The following BROX variants were observed in gnomAD, a reference collection of about 807,000 sequenced individuals.
BROX encodes the protein BRO1 domain-containing protein BROX.
Under a neutral mutation model 61.0 loss-of-function variants are expected in BROX, and 53 were observed. The observed-to-expected ratio is 0.87, with a 90% CI of 0.70 to 1.09. The LOEUF is 1.09. Among genes scored for constraint, BROX ranks in the 50% least tolerant of loss-of-function variants. The pLI is 0.00. For synonymous variants in BROX, 152 were observed against 160.2 expected (o/e 0.95, Z 0.38); for missense variants, 489 against 472.0 (o/e 1.04, Z -0.33).
In BROX at chr1:222,722,635, T is replaced by C. The variant is rs577992439; in HGVS notation, c.401+121T>C. 7.0e-4 allele frequency: 494 copies of C among 704,590 alleles called. 1 individual carries two copies. The African/African-American group carries it at 7.5e-3, about 11-fold the overall frequency. The allele number at this position is 704,590 out of a possible 1,614,324, so 43.6% of individuals were successfully genotyped here. On this transcript the variant is annotated intron_variant, in intron 5 of 12. Coordinates refer to ENST00000340934, the MANE Select transcript of BROX (RefSeq NM_144695.4). ...GGATGTTTGAAGGATTGCCTTGTAA[T>C]GTTAGTATTTTGAGTGTCAGAATTA...
chr1:222,726,067 G>T (rs1207626011), intron 7 of BROX, among the ~76,000 whole-genome samples: 2 of 152,140 alleles, frequency 1.3e-5, no homozygotes, highest in Non-Finnish European at 2.9e-5. Flanking sequence ...TTTTTAAGAG[G>T]ATTTTTATTT....
In BROX at chr1:222,727,250, A is replaced by G. The variant is rs767165764; in HGVS notation, c.663A>G (p.Gln221=). The change falls in exon 8 of 13, where the codon CAA becomes CAG. Residue 221 remains glutamine (Q), a synonymous_variant. Transcript: ENST00000340934. The part of the protein sequence containing the change: ...ALAYETANFY[Q]KADHTLSSLE... ...CGTATGAAACAGCCAATTTCTATCA[A>G]AAAGCTGGTAAGCTTCTAATTCTGT... is the stretch of plus-strand genomic sequence containing the variant. 6.2e-7 allele frequency: 1 copy of G among 1,606,960 alleles called. No homozygotes were observed. Among genetic ancestry groups the G allele is most frequent in the South Asian group, 1.1e-5 (1 of 90,748 alleles).
rs17163847 is a variant in BROX, at chr1:222,725,482, G to A, written c.507G>A (p.Ala169=). ...ATCTCCCAAAACTCATTACACCTGC[G>A]GAAAAAGGAAGAGATTTAGAGTCAC... ...ESHLPKLITP[A]EKGRDLESRL... is the part of the protein sequence containing the mutation. The change falls in exon 7 of 13, where the codon GCG becomes GCA. Residue 169 remains alanine (A), a synonymous_variant. Coordinates refer to ENST00000340934, the MANE Select transcript of BROX (RefSeq NM_144695.4). The A allele has an allele frequency of 2.8e-3, 4,497 of 1,611,902 alleles. 134 individuals carry two copies. The East Asian group carries it at 0.078, about 28-fold the overall frequency.
At chr1:222,727,459 T>TG (rs1247761318) in intron 8 of BROX, among the ~76,000 whole-genome samples, 2 of 152,252 alleles carry the variant, frequency 1.3e-5, no homozygotes, top group African/African-American at 4.8e-5. Flanking sequence ...AAACCAGTGA[T>TG]GTCTCATAAA....
intron 4 of BROX, among the ~76,000 whole-genome samples, chr1:222,720,401 A>G (rs866690440): frequency 3.4e-4 from 52 of 152,192 alleles, no homozygotes; most frequent in African/African-American, 1.1e-3. Flanking sequence ...CAATTTTTTT[A>G]ATTAAAAAGA....
chr1:222,713,499 T>C, intron 1 of BROX: 2 of 934,424 alleles, frequency 2.1e-6, no homozygotes, highest in Non-Finnish European at 2.6e-6. Context: ...GTGTGTTAGC[T>C]TACAGCTTCG....
rs935291471 is a variant in BROX, at chr1:222,734,498, T to C, written c.*1784T>C. The C allele has an allele frequency of 6.6e-6, 1 of 152,240 alleles. No homozygotes were observed. Among genetic ancestry groups the C allele is most frequent in the African/African-American group, 2.4e-5 (1 of 41,468 alleles). The allele number at this position is 152,240 out of a possible 1,614,324, so 9.4% of individuals were successfully genotyped here. The stretch of plus-strand genomic sequence containing the variant: ...GTACATAAATTCAGTGAGGTTTTTT[T>C]CTTAACATACAGAAGTACTAAATAC... On this transcript the variant is annotated 3_prime_UTR_variant, in exon 13 of 13. Transcript: ENST00000340934.
At chr1:222,713,175 A>G in intron 1 of BROX, 2 of 980,972 alleles carry the variant, frequency 2.0e-6, no homozygotes, top group Middle Eastern at 5.2e-4. Flanking sequence ...CCGCATCTCC[A>G]TTGGTCATTG....
In BROX at chr1:222,719,018, C is replaced by T; in HGVS notation, c.195C>T (p.Phe65=). Reference sequence around the variant, plus strand: ...TGAAGAATGCAGCAGATTCATATTTCTCACTTTTACAAGGTTAGTTATTTA... The same window carrying T: ...TGAAGAATGCAGCAGATTCATATTTTTCACTTTTACAAGGTTAGTTATTTA... ...EMMKNAADSY[F]SLLQGFINSL... Residue 65 remains phenylalanine, a synonymous_variant, in exon 3 of 13, where the codon TTC becomes TTT. Transcript: ENST00000340934. 1.9e-6 allele frequency: 3 copies of T among 1,612,362 alleles called. No homozygotes were observed. Among genetic ancestry groups the T allele is most frequent in the Non-Finnish European group, 2.5e-6 (3 of 1,179,108 alleles).
chr1:222,716,881 A>G lies in BROX; in HGVS notation c.101+1081A>G, dbSNP rs188743988. Among the ~76,000 whole-genome samples, 123 of 152,332 alleles carry G rather than the reference A, an allele frequency of 8.1e-4. 4 individuals carry two copies. The highest frequency in any genetic ancestry group is 7.9e-3 in the Admixed American group (121 of 15,300). ...GGCTGAAACAAAAGAGATAAATGCA[A>G]AAGATGTTTTGAAGGAGGAGTCAAT... is the stretch of plus-strand genomic sequence containing the variant. On this transcript the variant is annotated intron_variant, in intron 2 of 12. Transcript: ENST00000340934.
chr1:222,731,981 A>C lies in BROX; in HGVS notation c.1149+465A>C, dbSNP rs181851630. The stretch of plus-strand genomic sequence containing the variant: ...TAAATCAAATAGTAAATTAAGTGGA[A>C]ATTTTGAGGTCTAACTACCAAAAGA... On this transcript the variant is annotated intron_variant, in intron 12 of 12. Transcript: ENST00000340934. Among the ~76,000 whole-genome samples, 639 of 152,268 alleles carry C rather than the reference A, an allele frequency of 4.2e-3. 2 individuals are homozygous for C. The highest frequency in any genetic ancestry group is 0.015 in the African/African-American group (610 of 41,548).
At chr1:222,732,125 CT>C (rs1246631318) in intron 12 of BROX, among the ~76,000 whole-genome samples, 1 of 152,034 alleles carries the variant, frequency 6.6e-6, no homozygotes, top group Non-Finnish European at 1.5e-5. Flanking sequence ...AAATAACTAT[CT>C]TTATATTCTG....
At chr1:222,727,711 A>G (rs1657611492) in intron 8 of BROX, among the ~76,000 whole-genome samples, 1 of 152,158 alleles carries the variant, frequency 6.6e-6, no homozygotes, top group African/African-American at 2.4e-5. Flanking sequence ...GTTGCTAAGG[A>G]GAGGTAAATA....
In BROX at chr1:222,732,727, A is replaced by G. The variant is rs770846086; in HGVS notation, c.*13A>G. ...CTACATCTCCTAAAATACAACTTGC[A>G]CTTAGAATTTCTCTAGCAGTAAATA... is the stretch of plus-strand genomic sequence containing the variant. On this transcript the variant is annotated 3_prime_UTR_variant, in exon 13 of 13. Transcript: ENST00000340934. The G allele has an allele frequency of 5.0e-6, 8 of 1,586,692 alleles. No individual in the cohort carries two copies. The African/African-American group carries it at 5.4e-5, about 11-fold the overall frequency.
In BROX at chr1:222,731,501, A is replaced by G. The variant is rs761864744; in HGVS notation, c.1134A>G (p.Arg378=). 1 of 1,587,404 alleles carries G rather than the reference A, an allele frequency of 6.3e-7. No individual in the cohort carries two copies. Among genetic ancestry groups the G allele is most frequent in the Non-Finnish European group, 8.5e-7 (1 of 1,173,198 alleles). The change falls in exon 12 of 13, where the codon AGA becomes AGG. Residue 378 remains arginine, a synonymous_variant. Coordinates refer to ENST00000340934, the MANE Select transcript of BROX (RefSeq NM_144695.4). ...TGGCTGCATTTGATCTCACCAAAAG[A>G]CCCAAGGATGACAGTGTATGAGATT... The part of the protein sequence containing the change: ...ETLAAFDLTK[R]PKDDSTKPKP...
chr1:222,719,032 G>T lies in BROX; in HGVS notation c.208+1G>T, dbSNP rs777935159. ...GATTCATATTTCTCACTTTTACAAG[G>T]TTAGTTATTTATATGAACTTGAGGT... is the stretch of plus-strand genomic sequence containing the variant. On this transcript the variant is annotated splice_donor_variant, in intron 3 of 12. Transcript: ENST00000340934. LOFTEE classifies it high-confidence loss of function. 2 of 1,605,222 alleles carry T rather than the reference G, an allele frequency of 1.2e-6. No individual in the cohort carries two copies. Among genetic ancestry groups the T allele is most frequent in the Non-Finnish European group, 8.5e-7 (1 of 1,175,782 alleles).
At chr1:222,721,189 C>T (rs1028136043) in intron 4 of BROX, among the ~76,000 whole-genome samples, 1 of 151,992 alleles carries the variant, frequency 6.6e-6, no homozygotes, top group Admixed American at 6.5e-5. Flanking sequence ...ACTAGATCTC[C>T]AGATGTAATT....
chr1:222,724,028 G>A, intron 5 of BROX, 64 bp from the exon 6 acceptor site: 2 of 1,134,444 alleles, frequency 1.8e-6, no homozygotes, highest in Non-Finnish European at 2.6e-6. Context: ...TAATGTATTG[G>A]TTGTTGTGTT....
intron 11 of BROX, 81 bp downstream of exon 11, chr1:222,730,258 T>G (rs1368544203): frequency 1.9e-6 from 2 of 1,029,326 alleles, no homozygotes; most frequent in East Asian, 6.6e-5. Flanking sequence ...TTTAGTAATA[T>G]CATTTCTGTT....
Sources: gnomAD v4.1 joint callset for allele counts (sites outside exome capture counted in the v4.1 genomes callset) on GRCh38, gnomAD v4.1.1 for gene constraint, MANE v1.5 for transcripts, NCBI Gene and HGNC (gene_info 2026-07-23, HGNC 2026-07-21) for gene names.